LRTM3: variants seen among roughly 807,000 people sequenced by gnomAD.
LRTM3 encodes leucine-rich repeat transmembrane protein 3.
chr13:102,742,197 G>A, the LRTM3 span: 2 of 1,550,418 alleles, frequency 1.3e-6, no homozygotes, highest in Non-Finnish European at 8.7e-7. Context: ...GACTTCTGCT[G>A]CTGGATGTTA....
chr13:102,745,823 T>C, the LRTM3 span: 1 of 1,551,214 alleles, frequency 6.4e-7, no homozygotes, highest in East Asian at 2.4e-5. Flanking sequence ...CTCTACCTTT[T>C]CAAATGGAAA....
the LRTM3 span, chr13:102,736,398 G>A: frequency 6.4e-7 from 1 of 1,551,102 alleles, no homozygotes; most frequent in South Asian, 1.2e-5. Context: ...ATCAGGCCAT[G>A]CATGGATACT....
chr13:102,746,124 A>G, the LRTM3 span: 1 of 1,551,120 alleles, frequency 6.4e-7, no homozygotes. Context: ...CTAGTCTCTA[A>G]AGTAGTTTGT....
the LRTM3 span, chr13:102,746,446 T>G: frequency 6.4e-7 from 1 of 1,551,156 alleles, no homozygotes; most frequent in Non-Finnish European, 8.7e-7. Context: ...TGCTATGCAT[T>G]GGAGAGCAAA....
At chr13:102,745,567 T>G in the LRTM3 span, 1 of 1,551,038 alleles carries the variant, frequency 6.4e-7, no homozygotes, top group Non-Finnish European at 8.7e-7. Flanking sequence ...TCTTTGCCTT[T>G]ATAATTCCAC....
the LRTM3 span, chr13:102,739,392 A>G: frequency 2.6e-6 from 4 of 1,550,414 alleles, no homozygotes; most frequent in African/African-American, 1.4e-5. Context: ...TCTGCAGATG[A>G]TACTCTTCTG....
the LRTM3 span, chr13:102,731,761 A>G: frequency 1.5e-5 from 23 of 1,551,196 alleles, no homozygotes; most frequent in Non-Finnish European, 2.0e-5. Context: ...TTCCTGGGAA[A>G]GCTTTTTGCT....
chr13:102,745,404 C>T, the LRTM3 span: 3 of 1,550,618 alleles, frequency 1.9e-6, no homozygotes, highest in Non-Finnish European at 2.6e-6. Flanking sequence ...TTGTTAATGT[C>T]AGGTGTCATA....
chr13:102,734,879 T>C, the LRTM3 span: 2 of 1,551,144 alleles, frequency 1.3e-6, no homozygotes, highest in Non-Finnish European at 8.7e-7. Context: ...TTGCACGTCA[T>C]CCTCTTCCTT....
At chr13:102,750,074 T>G in the LRTM3 span, 19 of 1,550,536 alleles carry the variant, frequency 1.2e-5, no homozygotes, top group Non-Finnish European at 1.7e-5. Flanking sequence ...AAATCCTGAA[T>G]TTTTGTTTTT....
At chr13:102,740,806 G>A in the LRTM3 span, 6 of 1,549,220 alleles carry the variant, frequency 3.9e-6, no homozygotes, top group Non-Finnish European at 5.2e-6. Context: ...TTGAAGTGAG[G>A]TACCCTAAAC....
the LRTM3 span, chr13:102,738,249 C>T: frequency 3.9e-6 from 6 of 1,550,736 alleles, no homozygotes; most frequent in African/African-American, 4.1e-5. Context: ...TGCATGTAAT[C>T]TTTTGCTTTT....
the LRTM3 span, chr13:102,733,212 C>A: frequency 6.4e-7 from 1 of 1,551,354 alleles, no homozygotes; most frequent in East Asian, 2.4e-5. Context: ...ATGACAATAT[C>A]TTGTTCTTCT....
At chr13:102,735,380 C>T in the LRTM3 span, 22 of 1,551,174 alleles carry the variant, frequency 1.4e-5, no homozygotes, top group Middle Eastern at 3.3e-4. Flanking sequence ...TTCCTTGGAC[C>T]GTGACTGTGG....
chr13:102,734,939 G>A, the LRTM3 span: 12 of 1,550,980 alleles, frequency 7.7e-6, no homozygotes. Flanking sequence ...AATATCACCA[G>A]CAATTGGCCT....
At chr13:102,747,261 A>G in the LRTM3 span, 1 of 1,549,668 alleles carries the variant, frequency 6.5e-7, no homozygotes, top group East Asian at 2.4e-5. Context: ...GGCAAAATAG[A>G]CATGGGAGGG....
the LRTM3 span, chr13:102,731,893 T>C: frequency 6.5e-7 from 1 of 1,549,476 alleles, no homozygotes; most frequent in Non-Finnish European, 8.7e-7. Context: ...TTAGAATCTT[T>C]TCTTCCTGCT....
At chr13:102,749,172 C>G in the LRTM3 span, 1 of 1,550,500 alleles carries the variant, frequency 6.4e-7, no homozygotes, top group African/African-American at 1.4e-5. Flanking sequence ...GTGTGACATA[C>G]TGTGATTTGA....
At chr13:102,745,851 A>G in the LRTM3 span, 1 of 1,551,214 alleles carries the variant, frequency 6.4e-7, no homozygotes, top group Non-Finnish European at 8.7e-7. Context: ...AGTGTAGGGC[A>G]TGAAGTAGAC....
Sources: gnomAD v4.1 joint callset for allele counts on GRCh38, gnomAD v4.1.1 for gene constraint, MANE v1.5 for transcripts, NCBI Gene and HGNC (gene_info 2026-07-23, HGNC 2026-07-21) for gene names.